Variants in AGBL1 observed in about 807,000 individuals in gnomAD.
AGBL1 encodes cytosolic carboxypeptidase 4.
Under a neutral mutation model 118.9 loss-of-function variants are expected in AGBL1, and 130 were observed. The observed-to-expected ratio is 1.09, with a 90% confidence interval of 0.95 to 1.26. The LOEUF is 1.26. Among genes scored for constraint, AGBL1 ranks in the 50% most tolerant of loss-of-function variants. The probability of loss-of-function intolerance (pLI) is 0.00; values close to 1 mark genes in which losing one functional copy is unlikely to be tolerated. For missense variants in AGBL1, 1,584 were observed against 1,298.1 expected (o/e 1.22, Z -3.38); for synonymous variants, 555 against 478.9 (o/e 1.16, Z -2.08).
intron 23 of AGBL1, among the ~76,000 whole-genome samples, chr15:86,981,209 C>A (rs2081229231): frequency 6.6e-6 from 1 of 152,010 alleles, no homozygotes; most frequent in African/African-American, 2.4e-5. Context: ...CTTAGTATCT[C>A]CTCAGTGAAT....
chr15:86,171,499 C>A (rs2077414839), intron 5 of AGBL1, among the ~76,000 whole-genome samples: 1 of 152,036 alleles, frequency 6.6e-6, no homozygotes, highest in Non-Finnish European at 1.5e-5. Flanking sequence ...AGAGTTACGG[C>A]TAATGAGTTG....
chr15:86,693,578 G>T (rs930997818), intron 22 of AGBL1, among the ~76,000 whole-genome samples: 6 of 151,832 alleles, frequency 4.0e-5, no homozygotes, highest in Admixed American at 3.9e-4. Context: ...TCCTTTTGCT[G>T]TGCAGAAGCT....
intron 7 of AGBL1, among the ~76,000 whole-genome samples, chr15:86,254,613 A>G (rs2078866346): frequency 6.6e-6 from 1 of 152,188 alleles, no homozygotes; most frequent in Non-Finnish European, 1.5e-5. Flanking sequence ...TGATGGGAAA[A>G]GGGAGCCTAA....
At chr15:86,274,462 AT>A (rs2079213124) in intron 15 of AGBL1, among the ~76,000 whole-genome samples, 1 of 152,174 alleles carries the variant, frequency 6.6e-6, no homozygotes, top group African/African-American at 2.4e-5. Context: ...TTAAAAAGTA[AT>A]TGTCTAGTTT....
At chr15:86,771,465 C>T (rs957775918) in intron 22 of AGBL1, among the ~76,000 whole-genome samples, 1 of 151,930 alleles carries the variant, frequency 6.6e-6, no homozygotes, top group Non-Finnish European at 1.5e-5. Flanking sequence ...TTTTGAATGA[C>T]TCTGGATAAC....
chr15:86,685,970 A>G (rs1205217410), intron 22 of AGBL1, among the ~76,000 whole-genome samples: 1 of 152,168 alleles, frequency 6.6e-6, no homozygotes, highest in Non-Finnish European at 1.5e-5. Context: ...AGGGAAATAT[A>G]TGTGAAAGTA....
chr15:86,997,322 C>A (rs1164247403), intron 24 of AGBL1, among the ~76,000 whole-genome samples: 1 of 152,154 alleles, frequency 6.6e-6, no homozygotes, highest in Non-Finnish European at 1.5e-5. Context: ...CTGCAGTGCC[C>A]TCTCTTCCCT....
chr15:86,115,795 C>T (rs533137609), intron 1 of AGBL1, among the ~76,000 whole-genome samples: 1 of 152,292 alleles, frequency 6.6e-6, no homozygotes, highest in South Asian at 2.1e-4. Flanking sequence ...CAATGATGCC[C>T]CAGCTATATC....
intron 22 of AGBL1, among the ~76,000 whole-genome samples, chr15:86,742,876 T>A (rs542721358): frequency 6.6e-6 from 1 of 152,324 alleles, no homozygotes; most frequent in South Asian, 2.1e-4. Context: ...TACAGGTAGC[T>A]TAGTTCAGCA....
At chr15:86,844,468 T>C (rs542443512) in intron 22 of AGBL1, among the ~76,000 whole-genome samples, 45 of 152,284 alleles carry the variant, frequency 3.0e-4, no homozygotes, top group African/African-American at 7.9e-4. Flanking sequence ...ACTAAAGATA[T>C]TGAGCATCTT....
rs147285897 is a variant in AGBL1, at chr15:86,218,337, A to T, written c.489-6577A>T. Among the ~76,000 whole-genome samples, 800 of 152,250 alleles carry T rather than the reference A, an allele frequency of 5.3e-3. 4 individuals are homozygous for T. The highest frequency in any genetic ancestry group is 0.012 in the African/African-American group (499 of 41,552). On this transcript the variant is annotated intron_variant, in intron 5 of 22. Transcript: ENST00000614907. ...GGGAAGATAGTATTTCCACTCTCTG[A>T]AAAGGGGACGTCTGGGGAGGGTCAA...
intron 21 of AGBL1, among the ~76,000 whole-genome samples, chr15:86,646,653 C>A (rs931848710): frequency 6.6e-6 from 1 of 152,022 alleles, no homozygotes; most frequent in Non-Finnish European, 1.5e-5. Flanking sequence ...TAACTTTTTT[C>A]CCACAGAATA....
intron 22 of AGBL1, among the ~76,000 whole-genome samples, chr15:86,738,037 C>T (rs1334809248): frequency 6.6e-6 from 1 of 151,736 alleles, no homozygotes; most frequent in Non-Finnish European, 1.5e-5. Flanking sequence ...AATGAAGGAC[C>T]AAAACCATAT....
intron 5 of AGBL1, among the ~76,000 whole-genome samples, chr15:86,219,994 C>T (rs543428774): frequency 1.6e-4 from 22 of 134,148 alleles, no homozygotes; most frequent in African/African-American, 4.1e-4. Flanking sequence ...CTCTGTTGCC[C>T]GGGCTGGAGT....
rs542754601 is a variant in AGBL1 at position 86,705,099 on chromosome 15, CAG to C, written c.3158+30664_3158+30665del. Reference sequence around the variant, plus strand: ...GTCGAACAAAGAGAACACATGGACACAGGGAGGGAAACGTCACACACTGGGCC... The same window carrying C: ...GTCGAACAAAGAGAACACATGGACACGGAGGGAAACGTCACACACTGGGCC... On this transcript the variant is annotated intron_variant, in intron 22 of 22. Transcript: ENST00000614907. 3.2e-3 allele frequency among the ~76,000 whole-genome samples: 481 copies of C among 152,138 alleles called. 2 individuals are homozygous for C. The highest frequency in any genetic ancestry group is 0.011 in the African/African-American group (470 of 41,482).
intron 22 of AGBL1, among the ~76,000 whole-genome samples, chr15:86,784,894 C>A (rs1436225897): frequency 6.6e-6 from 1 of 151,998 alleles, no homozygotes; most frequent in African/African-American, 2.4e-5. Context: ...ATCTTTGCAA[C>A]TTTTCTATAA....
At chr15:86,600,192 T>G (rs2084472069) in intron 21 of AGBL1, among the ~76,000 whole-genome samples, 1 of 152,162 alleles carries the variant, frequency 6.6e-6, no homozygotes, top group African/African-American at 2.4e-5. Context: ...CGGAGGAAGT[T>G]AACACATTTC....
chr15:86,942,496 T>A (rs771441753), intron 23 of AGBL1, among the ~76,000 whole-genome samples: 3 of 152,218 alleles, frequency 2.0e-5, no homozygotes, highest in Non-Finnish European at 4.4e-5. Context: ...AATCAGATTC[T>A]GACTCATGGA....
chr15:86,518,971 A>G (rs1419520406), intron 18 of AGBL1, among the ~76,000 whole-genome samples: 1 of 151,804 alleles, frequency 6.6e-6, no homozygotes, highest in Non-Finnish European at 1.5e-5. Flanking sequence ...CTAGCTATTT[A>G]AACTAAAGCT....
Sources: allele counts gnomAD v4.1 joint callset (sites outside exome capture counted in the v4.1 genomes callset), GRCh38; gene constraint gnomAD v4.1.1; transcripts MANE v1.5; gene names NCBI Gene and HGNC (gene_info 2026-07-23, HGNC 2026-07-21).